Variants in VPS13B observed in about 807,000 individuals in gnomAD.
VPS13B encodes vacuolar protein sorting 13 homolog B, also known as intermembrane lipid transfer protein VPS13B.
A neutral mutation model predicts 426.4 loss-of-function variants in VPS13B; 285 were observed. The observed-to-expected ratio is 0.67, with a 90% CI of 0.61 to 0.74. The LOEUF is 0.74. Ranked by LOEUF, VPS13B falls within the 30% of genes least tolerant of loss-of-function variation. VPS13B has a pLI of 0.00. For missense variants in VPS13B, 4,537 were observed against 4,782.6 expected (o/e 0.95, Z 1.51); for synonymous variants, 1,676 against 1,676.4 (o/e 1.00, Z 0.01).
At chr8:99,599,027 T>A (rs889101000) in intron 33 of VPS13B, among the ~76,000 whole-genome samples, 1 of 152,020 alleles carries the variant, frequency 6.6e-6, no homozygotes, top group African/African-American at 2.4e-5. Flanking sequence ...TCCCCAGACT[T>A]TTTGCCATTA....
rs1355610726 is a variant in VPS13B at position 99,481,802 on chromosome 8, G to A, written c.3870G>A (p.Glu1290=). The part of the protein sequence containing the change: ...SPSADIGTTT[E]GDSIQAGEES... Reference sequence around the variant, plus strand: ...CTGCTGACATTGGGACTACTACTGAGGTAAGTGTTTTTGAAAATCCTGTTA... The same window carrying A: ...CTGCTGACATTGGGACTACTACTGAAGTAAGTGTTTTTGAAAATCCTGTTA... Residue 1290 remains glutamate, a splice_region_variant and synonymous_variant, in exon 25 of 62, where the codon GAG becomes GAA. Coordinates refer to ENST00000357162, the MANE Select transcript of VPS13B (RefSeq NM_152564.5). 6.2e-7 allele frequency: 1 copy of A among 1,613,434 alleles called. No individual in the cohort carries two copies. Among genetic ancestry groups the A allele is most frequent in the Non-Finnish European group, 8.5e-7 (1 of 1,179,710 alleles).
chr8:99,299,646 T>C (rs541336051), intron 19 of VPS13B, among the ~76,000 whole-genome samples: 1 of 151,970 alleles, frequency 6.6e-6, no homozygotes, highest in Admixed American at 6.6e-5. Context: ...GCACGGTGGC[T>C]CATGCCTGTA....
At chr8:99,862,275 G>A (rs931033633) in intron 58 of VPS13B, among the ~76,000 whole-genome samples, 3 of 152,228 alleles carry the variant, frequency 2.0e-5, no homozygotes, top group East Asian at 1.9e-4. Context: ...TCTGAAGAAC[G>A]TGATGGGCAA....
At chr8:99,303,601 C>T (rs1332945996) in intron 19 of VPS13B, among the ~76,000 whole-genome samples, 4 of 151,128 alleles carry the variant, frequency 2.6e-5, no homozygotes, top group East Asian at 2.0e-4. Flanking sequence ...TGTGTTTCTT[C>T]GCCTGTAGTC....
chr8:99,040,486 T>C (rs1007963911), intron 3 of VPS13B, among the ~76,000 whole-genome samples: 1 of 152,190 alleles, frequency 6.6e-6, no homozygotes, highest in African/African-American at 2.4e-5. Context: ...TGTACACCTC[T>C]GGAGAGTAAT....
intron 8 of VPS13B, among the ~76,000 whole-genome samples, chr8:99,125,024 G>A (rs1848130875): frequency 6.6e-6 from 1 of 152,032 alleles, no homozygotes; most frequent in Non-Finnish European, 1.5e-5. Context: ...TTCTCTAGAG[G>A]GACAGAACTA....
chr8:99,350,417 A>G (rs1277441183), intron 19 of VPS13B, among the ~76,000 whole-genome samples: 2 of 152,190 alleles, frequency 1.3e-5, no homozygotes, highest in African/African-American at 4.8e-5. Context: ...ATGATGAGTA[A>G]ATGTATGCAT....
intron 3 of VPS13B, among the ~76,000 whole-genome samples, chr8:99,088,278 G>A (rs1206235611): frequency 6.7e-6 from 1 of 149,282 alleles, no homozygotes; most frequent in South Asian, 2.1e-4. Context: ...GTAGTGTAGA[G>A]CTTAGAGATT....
intron 17 of VPS13B, among the ~76,000 whole-genome samples, chr8:99,201,465 A>G (rs1814320680): frequency 1.3e-5 from 2 of 152,172 alleles, no homozygotes; most frequent in Admixed American, 1.3e-4. Flanking sequence ...TCAAAACTGC[A>G]AAGTGCTTTT....
chr8:99,124,924 C>A (rs1848126614), intron 8 of VPS13B, among the ~76,000 whole-genome samples: 1 of 148,574 alleles, frequency 6.7e-6, no homozygotes. Context: ...CTGATGCATG[C>A]TAAACATGAA....
chr8:99,156,534 A>T lies in VPS13B; in HGVS notation c.2014-15A>T, dbSNP rs1811373750. 1 of 1,613,194 alleles carries T rather than the reference A, an allele frequency of 6.2e-7. No individual in the cohort carries two copies. The highest frequency in any genetic ancestry group is 1.3e-5 in the African/African-American group (1 of 74,948). On this transcript the variant is annotated splice_polypyrimidine_tract_variant and intron_variant, in intron 14 of 61. Coordinates refer to ENST00000357162, the MANE Select transcript of VPS13B (RefSeq NM_152564.5). ...TCCACTTTTAAAATATAAAGCGAAC[A>T]CTATTATTTTCTAGAACTCAAGTAA...
intron 39 of VPS13B, among the ~76,000 whole-genome samples, chr8:99,727,090 T>A (rs1833382490): frequency 6.6e-6 from 1 of 152,152 alleles, no homozygotes; most frequent in Non-Finnish European, 1.5e-5. Context: ...GTAGGAAAAC[T>A]GAGGCCAAGA....
At chr8:99,238,532 T>A (rs1816755565) in intron 17 of VPS13B, among the ~76,000 whole-genome samples, 1 of 152,134 alleles carries the variant, frequency 6.6e-6, no homozygotes, top group African/African-American at 2.4e-5. Context: ...TGGTAAGAAC[T>A]TTTCCTCCAG....
chr8:99,690,899 A>C (rs751984282), intron 35 of VPS13B, among the ~76,000 whole-genome samples: 1 of 152,176 alleles, frequency 6.6e-6, no homozygotes, highest in African/African-American at 2.4e-5. Context: ...TAAAAAGCAA[A>C]TTTGCACACA....
intron 3 of VPS13B, among the ~76,000 whole-genome samples, chr8:99,052,182 C>G (rs1454473150): frequency 7.5e-6 from 1 of 134,106 alleles, no homozygotes; most frequent in Non-Finnish European, 1.6e-5. Context: ...ATAGATAGCT[C>G]TTATTATTTT....
intron 17 of VPS13B, among the ~76,000 whole-genome samples, chr8:99,230,039 ATT>A (rs890723519): frequency 6.6e-6 from 1 of 151,994 alleles, no homozygotes; most frequent in Non-Finnish European, 1.5e-5. Context: ...ATTAGAGTTT[ATT>A]TTTCCCATTT....
chr8:99,044,995 AC>A (rs998659881), intron 3 of VPS13B, among the ~76,000 whole-genome samples: 177 of 150,836 alleles, frequency 1.2e-3, no homozygotes, highest in African/African-American at 3.8e-3. Context: ...TTTGCTATAA[AC>A]ATGTGTGTGC....
chr8:99,722,148 T>C (rs1291156496), intron 39 of VPS13B, among the ~76,000 whole-genome samples: 2 of 152,180 alleles, frequency 1.3e-5, no homozygotes, highest in Non-Finnish European at 2.9e-5. Context: ...TGGCCTCCTT[T>C]TTCTCCTTGA....
chr8:99,392,357 TA>T (rs533400842), intron 21 of VPS13B, among the ~76,000 whole-genome samples: 21 of 152,114 alleles, frequency 1.4e-4, no homozygotes, highest in South Asian at 4.1e-4. Flanking sequence ...AATATATAAT[TA>T]AAAAAATAAT....
Sources: allele counts gnomAD v4.1 joint callset (sites outside exome capture counted in the v4.1 genomes callset), GRCh38; gene constraint gnomAD v4.1.1; transcripts MANE v1.5; gene names NCBI Gene and HGNC (gene_info 2026-07-23, HGNC 2026-07-21).